Variants in ANO6 observed in about 807,000 individuals in gnomAD.
The protein encoded by ANO6 is anoctamin 6.
A neutral mutation model predicts 117.5 loss-of-function variants in ANO6; 106 were observed. The observed-to-expected ratio is 0.90, with a 90% CI of 0.77 to 1.06. The LOEUF (loss-of-function observed/expected upper bound fraction) is 1.06, where lower values mean the gene tolerates loss of function less well. Ranked by LOEUF, ANO6 falls within the 50% of genes least tolerant of loss-of-function variation. ANO6 has a pLI of 0.00. For missense variants in ANO6, 955 were observed against 1,121.1 expected (o/e 0.85, Z 2.12); for synonymous variants, 367 against 385.1 (o/e 0.95, Z 0.55).
chr12:45,393,849 TAAAC>T (rs1942528630), intron 12 of ANO6, among the ~76,000 whole-genome samples: 1 of 152,098 alleles, frequency 6.6e-6, no homozygotes, highest in Non-Finnish European at 1.5e-5. Context: ...AAACAAGCAC[TAAAC>T]ATGGAAAGGA....
At chr12:45,234,769 C>A (rs1432540752) in intron 1 of ANO6, among the ~76,000 whole-genome samples, 1 of 149,940 alleles carries the variant, frequency 6.7e-6, no homozygotes, top group Non-Finnish European at 1.5e-5. Context: ...AGCTCAGCTA[C>A]ATTCCAGTCT....
At chr12:45,439,798 C>A in exon 20 of ANO6, 1 of 1,550,764 alleles carries the variant, frequency 6.4e-7, no homozygotes, top group Non-Finnish European at 8.7e-7. Flanking sequence ...TTTGGAACAA[C>A]TAACTTCTGA....
intron 19 of ANO6, chr12:45,439,610 C>T: frequency 8.0e-7 from 1 of 1,255,678 alleles, no homozygotes; most frequent in Non-Finnish European, 1.0e-6. Context: ...TACCTGAAGA[C>T]AATAATTACC....
intron 1 of ANO6, among the ~76,000 whole-genome samples, chr12:45,254,754 T>A (rs944478201): frequency 1.3e-5 from 2 of 152,226 alleles, no homozygotes; most frequent in Non-Finnish European, 2.9e-5. Context: ...ATTACAGATA[T>A]GTAAGATTAT....
chr12:45,269,112 C>T (rs1039807031), intron 1 of ANO6, among the ~76,000 whole-genome samples: 11 of 152,204 alleles, frequency 7.2e-5, no homozygotes, highest in African/African-American at 2.7e-4. Context: ...CTCCCTTCTT[C>T]TCTGGGGCCA....
intron 10 of ANO6, among the ~76,000 whole-genome samples, chr12:45,384,615 C>A (rs1942249130): frequency 6.6e-6 from 1 of 152,194 alleles, no homozygotes. Flanking sequence ...AGCAGCCAGT[C>A]AGTGGAATGG....
intron 2 of ANO6, among the ~76,000 whole-genome samples, chr12:45,319,297 C>T (rs1248093105): frequency 6.6e-6 from 1 of 152,134 alleles, no homozygotes; most frequent in Non-Finnish European, 1.5e-5. Context: ...TCCATCAATA[C>T]CTAGTTGATT....
chr12:45,329,748 G>A lies in ANO6; in HGVS notation c.151-1547G>A, dbSNP rs1450732279. On this transcript the variant is annotated intron_variant, in intron 2 of 19. Transcript: ENST00000320560. ...GACCCCACTTCCCCTTTGTTCTTCT[G>A]AGAAATTATATATATATATTTTTCT... Among the ~76,000 whole-genome samples, 4 of 151,984 alleles carry A rather than the reference G, an allele frequency of 2.6e-5. No individual in the cohort carries two copies. The East Asian group carries it at 5.8e-4, about 22-fold the overall frequency.
At position 45,348,566 on chromosome 12, in the gene ANO6, A is replaced by G. The variant is rs140950918; in HGVS notation, c.682A>G (p.Ser228Gly). ...CAAGTATCAAGTGATAAACAATGTTAGCAAGTTTGGGATCAACAGACTTGT... is the reference window on the plus strand; with the variant it reads ...CAAGTATCAAGTGATAAACAATGTTGGCAAGTTTGGGATCAACAGACTTGT... The part of the protein sequence containing the change: ...RVKYQVINNV[S>G]KFGINRLVNS... Residue 228 changes from serine to glycine, a missense_variant, in exon 6 of 20, where the codon AGC becomes GGC. Coordinates refer to ENST00000320560, the MANE Select transcript of ANO6 (RefSeq NM_001025356.3). The G allele has an allele frequency of 1.9e-6, 3 of 1,614,066 alleles. No homozygotes were observed. In the African/African-American group the frequency reaches 4.0e-5, roughly 22 times the overall value.
exon 20 of ANO6, chr12:45,440,037 AT>A: frequency 8.2e-7 from 1 of 1,213,926 alleles, no homozygotes. Context: ...TGGCTCATTA[AT>A]ATTCCAATAC....
downstream of ANO6, among the ~76,000 whole-genome samples, chr12:45,433,973 G>C (rs768228911): frequency 2.6e-5 from 4 of 152,168 alleles, no homozygotes; most frequent in Non-Finnish European, 5.9e-5. Context: ...GATAAGACAG[G>C]TAGCCCTTTA....
intron 19 of ANO6, 58 bp downstream of exon 19, chr12:45,423,120 TA>T: frequency 7.8e-7 from 1 of 1,287,366 alleles, no homozygotes; most frequent in African/African-American, 1.5e-5. Context: ...GACCTTCCAT[TA>T]AGTGTTGCCA....
At position 45,246,759 on chromosome 12, in the gene ANO6, CTTTTTTTTTT is replaced by C. The variant is rs34322669; in HGVS notation, c.70+30382_70+30391del. The stretch of plus-strand genomic sequence containing the variant: ...CTTCACATGGGCTAGTTCCACCCTA[CTTTTTTTTTT>C]TTTTTTTTTTTTTGAGACAGGGTCT... On this transcript the variant is annotated intron_variant, in intron 1 of 19. Coordinates refer to ENST00000320560, the MANE Select transcript of ANO6 (RefSeq NM_001025356.3). 6.4e-4 allele frequency among the ~76,000 whole-genome samples: 73 copies of C among 113,928 alleles called. 1 individual carries two copies. Among genetic ancestry groups the C allele is most frequent in the African/African-American group, 2.4e-3 (68 of 28,448 alleles). The allele number at this position is 113,928 out of a possible 152,430, so 74.7% of individuals were successfully genotyped here.
intron 1 of ANO6, among the ~76,000 whole-genome samples, chr12:45,249,862 T>G (rs1947876609): frequency 6.6e-6 from 1 of 152,238 alleles, no homozygotes; most frequent in South Asian, 2.1e-4. Context: ...TCTTTGAAAT[T>G]GTCTTTTCTT....
chr12:45,421,849 G>A lies in ANO6; in HGVS notation c.2420+576G>A, dbSNP rs1248573569. Among the ~76,000 whole-genome samples the A allele has an allele frequency of 2.0e-5, 3 of 152,182 alleles. No homozygotes were observed. In the East Asian group the frequency reaches 5.8e-4, roughly 29 times the overall value. ...TGGCTGGTGAGTTCAACAGTGGACA[G>A]TATGTACCAGGTAAATTACCAATTG... On this transcript the variant is annotated intron_variant, in intron 18 of 19. Transcript: ENST00000320560.
chr12:45,224,241 T>A (rs1947447719), intron 1 of ANO6, among the ~76,000 whole-genome samples: 1 of 152,166 alleles, frequency 6.6e-6, no homozygotes, highest in Admixed American at 6.5e-5. Flanking sequence ...CCTGTTGGGA[T>A]GAAAAGACAG....
At chr12:45,422,906 G>T (rs1409928860) in intron 18 of ANO6, 51 bp from the exon 19 acceptor site, 3 of 1,342,236 alleles carry the variant, frequency 2.2e-6, no homozygotes, top group Non-Finnish European at 3.2e-6. Flanking sequence ...TTTGTTTACA[G>T]TATTCAGTCA....
At chr12:45,217,929 G>A (rs933453554) in intron 1 of ANO6, among the ~76,000 whole-genome samples, 2 of 152,218 alleles carry the variant, frequency 1.3e-5, no homozygotes, top group Non-Finnish European at 2.9e-5. Flanking sequence ...ACTGAAGTAA[G>A]CAAGAGGCTC....
chr12:45,409,605 G>A, intron 16 of ANO6, 118 bp downstream of exon 16: 1 of 1,222,764 alleles, frequency 8.2e-7, no homozygotes, highest in Non-Finnish European at 1.2e-6. Flanking sequence ...AGAAGAGTAT[G>A]TTTTTCTCCA....
Sources: gnomAD v4.1 joint callset for allele counts (sites outside exome capture counted in the v4.1 genomes callset) on GRCh38, gnomAD v4.1.1 for gene constraint, MANE v1.5 for transcripts, NCBI Gene and HGNC (gene_info 2026-07-23, HGNC 2026-07-21) for gene names.